The following ROBO2 variants were observed in gnomAD, a reference collection of about 807,000 sequenced individuals.
ROBO2 encodes roundabout guidance receptor 2, also known as roundabout homolog 2.
A neutral mutation model predicts 160.8 loss-of-function variants in ROBO2; 53 were observed. That is an observed-to-expected ratio of 0.33 (90% CI 0.26 to 0.41). The LOEUF is 0.41. Among genes scored for constraint, ROBO2 ranks in the 10% least tolerant of loss-of-function variants. The pLI is 1.00. For missense variants in ROBO2, 1,577 were observed against 1,722.4 expected (o/e 0.92, Z 1.49); for synonymous variants, 664 against 611.7 (o/e 1.09, Z -1.26).
chr3:76,079,995 A>G (rs1393934686), intron 2 of ROBO2, among the ~76,000 whole-genome samples: 2 of 152,210 alleles, frequency 1.3e-5, no homozygotes, highest in Admixed American at 1.3e-4. Context: ...ATACATAAGA[A>G]TGAGATAACA....
chr3:75,922,258 A>G (rs1947091313), intron 1 of ROBO2, among the ~76,000 whole-genome samples: 1 of 152,166 alleles, frequency 6.6e-6, no homozygotes, highest in Admixed American at 6.5e-5. Flanking sequence ...TCCAGAGTGG[A>G]TGTCAAATAC....
chr3:75,916,635 T>G (rs530638161), intron 1 of ROBO2, among the ~76,000 whole-genome samples: 48 of 152,196 alleles, frequency 3.2e-4, no homozygotes, highest in African/African-American at 1.0e-3. Context: ...AAATCAATCT[T>G]AGAGATCTTA....
At chr3:76,848,990 A>G (rs368415836) in intron 2 of ROBO2, among the ~76,000 whole-genome samples, 37 of 151,034 alleles carry the variant, frequency 2.4e-4, no homozygotes, top group African/African-American at 5.3e-4. Context: ...AATAAAATAA[A>G]GAAAAGTTAT....
chr3:77,018,056 G>T (rs746990965), intron 2 of ROBO2, among the ~76,000 whole-genome samples: 2 of 150,480 alleles, frequency 1.3e-5, no homozygotes, highest in Non-Finnish European at 1.5e-5. Flanking sequence ...AACATGATGT[G>T]TTTAGTAAGA....
chr3:76,471,944 AG>A (rs1443720337), intron 2 of ROBO2, among the ~76,000 whole-genome samples: 2 of 152,128 alleles, frequency 1.3e-5, no homozygotes, highest in Non-Finnish European at 2.9e-5. Context: ...CTCACGATTC[AG>A]TGACCTCCCA....
At chr3:75,911,515 A>G (rs1946578792) in intron 1 of ROBO2, among the ~76,000 whole-genome samples, 1 of 136,434 alleles carries the variant, frequency 7.3e-6, no homozygotes, top group Non-Finnish European at 1.6e-5. Context: ...TATTGACTGT[A>G]TGAAATTGGT....
intron 2 of ROBO2, among the ~76,000 whole-genome samples, chr3:76,555,714 A>G (rs1460434682): frequency 1.3e-5 from 2 of 152,170 alleles, no homozygotes; most frequent in Admixed American, 6.5e-5. Context: ...AAATGTAAAT[A>G]CTATATCAAT....
At chr3:76,873,226 C>T (rs1452195649) in intron 2 of ROBO2, among the ~76,000 whole-genome samples, 1 of 152,002 alleles carries the variant, frequency 6.6e-6, no homozygotes, top group Non-Finnish European at 1.5e-5. Context: ...TTCATGTGCT[C>T]TAGGGCAAGG....
chr3:77,058,232 C>G (rs1559920785), intron 1 of ROBO2, among the ~76,000 whole-genome samples: 1 of 152,076 alleles, frequency 6.6e-6, no homozygotes. Context: ...TGATAGCCAT[C>G]TAGTTTTATT....
At position 76,722,085 on chromosome 3, in the gene ROBO2, G is replaced by A. The variant is rs976362709; in HGVS notation, c.110-375929G>A. The stretch of plus-strand genomic sequence containing the variant: ...TGGAAATGTTTCCTAAAAATTGAAG[G>A]CAGGAAAGAGTGAACCAACTGTAAA... On this transcript the variant is annotated intron_variant, in intron 2 of 26. Transcript: ENST00000487694. Among the ~76,000 whole-genome samples, 101 of 152,090 alleles carry A rather than the reference G, an allele frequency of 6.6e-4. 1 individual carries two copies. The highest frequency in any genetic ancestry group is 3.4e-4 in the Non-Finnish European group (23 of 68,008).
chr3:76,455,604 T>C (rs1011552297), intron 2 of ROBO2, among the ~76,000 whole-genome samples: 1 of 152,184 alleles, frequency 6.6e-6, no homozygotes, highest in African/African-American at 2.4e-5. Context: ...ACAAAGTTTA[T>C]CTTTCCTCTA....
chr3:76,294,157 A>C (rs1278667866), intron 2 of ROBO2, among the ~76,000 whole-genome samples: 2 of 152,138 alleles, frequency 1.3e-5, no homozygotes. Flanking sequence ...GGAGTCGGGG[A>C]GACCAGGCAG....
At chr3:76,296,063 G>C (rs1468193519) in intron 2 of ROBO2, among the ~76,000 whole-genome samples, 1 of 152,182 alleles carries the variant, frequency 6.6e-6, no homozygotes, top group Non-Finnish European at 1.5e-5. Context: ...TTTGGAAGAA[G>C]GATAGTTATG....
intron 5 of ROBO2, among the ~76,000 whole-genome samples, chr3:77,507,501 G>A (rs1338889808): frequency 6.6e-6 from 1 of 152,146 alleles, no homozygotes; most frequent in Non-Finnish European, 1.5e-5. Flanking sequence ...AATGGGCTCT[G>A]CCTATCTAAA....
chr3:76,649,493 A>G (rs2091151740), intron 2 of ROBO2, among the ~76,000 whole-genome samples: 2 of 152,136 alleles, frequency 1.3e-5, no homozygotes, highest in South Asian at 4.1e-4. Context: ...CACATTCCTA[A>G]AACAATTAAC....
intron 2 of ROBO2, among the ~76,000 whole-genome samples, chr3:76,179,922 T>G: frequency 6.6e-6 from 1 of 152,138 alleles, no homozygotes; most frequent in East Asian, 1.9e-4. Context: ...AGGGTCTGAG[T>G]CTGCATTTGT....
chr3:77,538,013 T>A (rs2092244509), intron 6 of ROBO2, among the ~76,000 whole-genome samples: 1 of 151,850 alleles, frequency 6.6e-6, no homozygotes, highest in African/African-American at 2.4e-5. Context: ...ATTGGTATTT[T>A]ACTATGGAAT....
intron 2 of ROBO2, among the ~76,000 whole-genome samples, chr3:76,748,100 T>G (rs1478409497): frequency 6.6e-6 from 1 of 151,934 alleles, no homozygotes; most frequent in African/African-American, 2.4e-5. Flanking sequence ...ATTCTCCTAT[T>G]CATCCCATTC....
chr3:77,567,709 G>T (rs1389312881), intron 12 of ROBO2, among the ~76,000 whole-genome samples: 1 of 151,958 alleles, frequency 6.6e-6, no homozygotes, highest in Non-Finnish European at 1.5e-5. Context: ...TCTGTCAAAA[G>T]TATCTTTGCA....
Sources: allele counts gnomAD v4.1 joint callset (sites outside exome capture counted in the v4.1 genomes callset), GRCh38; gene constraint gnomAD v4.1.1; transcripts MANE v1.5; gene names NCBI Gene and HGNC (gene_info 2026-07-23, HGNC 2026-07-21).